Variants in DMRT1 observed in about 807,000 individuals in gnomAD.
The protein encoded by DMRT1 is doublesex and mab-3 related transcription factor 1.
In DMRT1, 7 loss-of-function variants were observed where a neutral mutation model predicts 32.3. That is an observed-to-expected ratio of 0.22 (90% CI 0.12 to 0.41). DMRT1 has a LOEUF of 0.41. Ranked by LOEUF, DMRT1 falls within the 10% of genes least tolerant of loss-of-function variation. The pLI is 1.00. For synonymous variants in DMRT1, 278 were observed against 206.1 expected (o/e 1.35, Z -2.99); for missense variants, 625 against 500.5 (o/e 1.25, Z -2.37).
At chr9:936,802 C>G (rs957170886) in intron 4 of DMRT1, among the ~76,000 whole-genome samples, 1 of 150,502 alleles carries the variant, frequency 6.6e-6, no homozygotes, top group Non-Finnish European at 1.5e-5. Flanking sequence ...ATAATCCTTT[C>G]TTATTACATT....
chr9:855,974 T>C (rs981641541), intron 2 of DMRT1, among the ~76,000 whole-genome samples: 21 of 151,858 alleles, frequency 1.4e-4, no homozygotes, highest in Non-Finnish European at 2.9e-4. Context: ...TGGAGTGCAA[T>C]GGCATGATCT....
At chr9:920,724 C>T (rs752498985) in intron 4 of DMRT1, among the ~76,000 whole-genome samples, 9 of 152,068 alleles carry the variant, frequency 5.9e-5, no homozygotes, top group African/African-American at 7.2e-5. Flanking sequence ...CTGATGAGGG[C>T]GATCCCAATA....
At chr9:873,257 GT>G (rs895060608) in intron 2 of DMRT1, among the ~76,000 whole-genome samples, 15 of 151,250 alleles carry the variant, frequency 9.9e-5, no homozygotes, top group African/African-American at 1.7e-4. Context: ...CCATTTGTAA[GT>G]TTTTTTTGTT....
chr9:856,001 C>G (rs1198325588), intron 2 of DMRT1, among the ~76,000 whole-genome samples: 2 of 152,090 alleles, frequency 1.3e-5, no homozygotes, highest in Non-Finnish European at 2.9e-5. Flanking sequence ...ACTGCAACCT[C>G]TGCCTCCCAG....
chr9:926,498 C>A (rs960196320), intron 4 of DMRT1, among the ~76,000 whole-genome samples: 1 of 152,112 alleles, frequency 6.6e-6, no homozygotes, highest in East Asian at 1.9e-4. Context: ...GACTAAGAGG[C>A]CTGGCAGTTT....
chr9:908,313 C>G (rs1432439579), intron 3 of DMRT1, among the ~76,000 whole-genome samples: 1 of 151,992 alleles, frequency 6.6e-6, no homozygotes, highest in Non-Finnish European at 1.5e-5. Context: ...AAAAATTTAG[C>G]TGGTCTTGGT....
chr9:918,462 G>A lies in DMRT1; in HGVS notation c.967+1555G>A, dbSNP rs137922244. Among the ~76,000 whole-genome samples, 136 of 152,244 alleles carry A rather than the reference G, an allele frequency of 8.9e-4. 1 individual carries two copies. Among genetic ancestry groups the A allele is most frequent in the African/African-American group, 3.2e-3 (131 of 41,528 alleles). On this transcript the variant is annotated intron_variant, in intron 4 of 4. Coordinates refer to ENST00000382276, the MANE Select transcript of DMRT1 (RefSeq NM_021951.3). ...GAGAGGAGCGAATTTGGAGAGGAGCGGTAGGCATTTGAATTTATGGCAGAA... is the reference window on the plus strand; with the variant it reads ...GAGAGGAGCGAATTTGGAGAGGAGCAGTAGGCATTTGAATTTATGGCAGAA...
At chr9:876,523 A>G (rs981047716) in intron 2 of DMRT1, among the ~76,000 whole-genome samples, 9 of 132,110 alleles carry the variant, frequency 6.8e-5, no homozygotes, top group African/African-American at 2.1e-4. Context: ...CTCCTCGTCA[A>G]TAGGCTTTTT....
chr9:847,749 G>T (rs1312480644), intron 2 of DMRT1, among the ~76,000 whole-genome samples: 1 of 152,212 alleles, frequency 6.6e-6, no homozygotes, highest in African/African-American at 2.4e-5. Flanking sequence ...AATACTCAAT[G>T]TGCTTACTGC....
At chr9:847,840 A>G (rs1311223599) in intron 2 of DMRT1, among the ~76,000 whole-genome samples, 1 of 152,208 alleles carries the variant, frequency 6.6e-6, no homozygotes, top group African/African-American at 2.4e-5. Flanking sequence ...TTTTAAATTT[A>G]AATTCATTAC....
At chr9:861,293 T>C (rs7863640) in intron 2 of DMRT1, among the ~76,000 whole-genome samples, 10,137 of 151,986 alleles carry the variant, frequency 0.067, 398 homozygotes, top group African/African-American at 0.093. Context: ...TGCCTTCAAG[T>C]ATCTGTTTAA....
At chr9:893,001 C>T (rs1474736459) in intron 2 of DMRT1, among the ~76,000 whole-genome samples, 5 of 152,098 alleles carry the variant, frequency 3.3e-5, no homozygotes, top group Non-Finnish European at 7.4e-5. Context: ...CCATGAATTT[C>T]TAACTAGGCT....
chr9:930,659 C>T (rs142525233), intron 4 of DMRT1, among the ~76,000 whole-genome samples: 21,399 of 151,902 alleles, frequency 0.14, 1,636 homozygotes, highest in East Asian at 0.19. Context: ...CTGCCTGCCT[C>T]AGCTTCCCAA....
intron 2 of DMRT1, among the ~76,000 whole-genome samples, chr9:873,856 G>A (rs1023016646): frequency 6.6e-6 from 1 of 152,120 alleles, no homozygotes; most frequent in African/African-American, 2.4e-5. Flanking sequence ...ATTTGGAAGT[G>A]AGAAAAAGAA....
intron 4 of DMRT1, among the ~76,000 whole-genome samples, chr9:945,381 C>T (rs890582972): frequency 4.6e-5 from 7 of 152,170 alleles, no homozygotes; most frequent in African/African-American, 7.2e-5. Context: ...GTCTTGAACT[C>T]GTGACCTCAG....
chr9:850,615 T>G (rs527989130), intron 2 of DMRT1, among the ~76,000 whole-genome samples: 7 of 152,244 alleles, frequency 4.6e-5, no homozygotes, highest in Admixed American at 4.6e-4. Context: ...CCTTTTCATA[T>G]GTAATATAAA....
chr9:891,556 C>T (rs1182101596), intron 2 of DMRT1, among the ~76,000 whole-genome samples: 1 of 150,442 alleles, frequency 6.6e-6, no homozygotes, highest in African/African-American at 2.4e-5. Flanking sequence ...GCTCTGTCGC[C>T]CAGGCTGGAG....
chr9:935,448 G>C (rs72701042), intron 4 of DMRT1, among the ~76,000 whole-genome samples: 3 of 152,180 alleles, frequency 2.0e-5, no homozygotes, highest in African/African-American at 7.2e-5. Context: ...TGTAATTGCC[G>C]GAGGGGACAG....
At chr9:871,684 C>T (rs898398896) in intron 2 of DMRT1, among the ~76,000 whole-genome samples, 1 of 149,488 alleles carries the variant, frequency 6.7e-6, no homozygotes, top group African/African-American at 2.5e-5. Flanking sequence ...CCGTGTTAGC[C>T]AGGATGGTCT....
Sources: gnomAD v4.1 joint callset for allele counts (sites outside exome capture counted in the v4.1 genomes callset) on GRCh38, gnomAD v4.1.1 for gene constraint, MANE v1.5 for transcripts, NCBI Gene and HGNC (gene_info 2026-07-23, HGNC 2026-07-21) for gene names.